Variants in AUTS2 observed in about 807,000 individuals in gnomAD.
AUTS2 encodes activator of transcription and developmental regulator AUTS2.
In AUTS2, 17 loss-of-function variants were observed where a neutral mutation model predicts 112.4. That is an observed-to-expected ratio of 0.15 (90% confidence interval 0.10 to 0.23). The LOEUF is 0.23. AUTS2 is among the 10% of genes least tolerant of loss of function. AUTS2 has a pLI of 1.00. For missense variants in AUTS2, 1,510 were observed against 1,701.6 expected (o/e 0.89, Z 1.98); for synonymous variants, 751 against 702.7 (o/e 1.07, Z -1.09).
chr7:70,701,416 G>A (rs1265434375), intron 6 of AUTS2, among the ~76,000 whole-genome samples: 4 of 152,186 alleles, frequency 2.6e-5, no homozygotes, highest in African/African-American at 9.7e-5. Context: ...CTATTCCAGG[G>A]CCAACATCTC....
intron 1 of AUTS2, among the ~76,000 whole-genome samples, chr7:69,743,366 T>G (rs1020424102): frequency 1.3e-5 from 2 of 152,172 alleles, no homozygotes; most frequent in Non-Finnish European, 2.9e-5. Context: ...TTGTTGACTT[T>G]CAGAATAAAA....
intron 4 of AUTS2, among the ~76,000 whole-genome samples, chr7:70,311,810 G>A (rs1247689371): frequency 6.6e-6 from 1 of 152,082 alleles, no homozygotes; most frequent in East Asian, 1.9e-4. Context: ...TCCGCCTCCC[G>A]GGTTCACACT....
chr7:70,209,006 T>G (rs1810720842), intron 4 of AUTS2, among the ~76,000 whole-genome samples: 1 of 152,112 alleles, frequency 6.6e-6, no homozygotes, highest in African/African-American at 2.4e-5. Context: ...TGGAGAGTGA[T>G]GCAAACTGAG....
At chr7:69,742,605 A>C (rs73170867) in intron 1 of AUTS2, among the ~76,000 whole-genome samples, 2 of 152,176 alleles carry the variant, frequency 1.3e-5, no homozygotes, top group Non-Finnish European at 2.9e-5. Context: ...ACATTTAAGC[A>C]TCAAAACTAA....
At chr7:69,967,489 C>T (rs1797678926) in intron 2 of AUTS2, among the ~76,000 whole-genome samples, 1 of 152,072 alleles carries the variant, frequency 6.6e-6, no homozygotes, top group Non-Finnish European at 1.5e-5. Context: ...GTGCAGTTTC[C>T]GGAGCAAGAT....
At chr7:69,810,475 T>C (rs959300245) in intron 1 of AUTS2, among the ~76,000 whole-genome samples, 2 of 142,740 alleles carry the variant, frequency 1.4e-5, no homozygotes, top group African/African-American at 5.1e-5. Context: ...GTTGTTTAAT[T>C]AAAAAAAAAA....
chr7:70,148,816 G>A (rs1414066755), intron 4 of AUTS2, among the ~76,000 whole-genome samples: 1 of 151,986 alleles, frequency 6.6e-6, no homozygotes, highest in Non-Finnish European at 1.5e-5. Flanking sequence ...AAAATATGAT[G>A]AGAATTTATA....
chr7:70,581,247 A>G (rs1402979299), intron 5 of AUTS2, among the ~76,000 whole-genome samples: 3 of 152,074 alleles, frequency 2.0e-5, no homozygotes, highest in East Asian at 1.9e-4. Context: ...TTTGCCGGGC[A>G]TGGTGGCTCA....
intron 4 of AUTS2, among the ~76,000 whole-genome samples, chr7:70,351,225 AT>A (rs1281744850): frequency 1.3e-5 from 2 of 150,518 alleles, no homozygotes; most frequent in South Asian, 4.2e-4. Flanking sequence ...TAATTTTTGT[AT>A]TTTTTTTAGT....
chr7:70,081,279 C>T lies in AUTS2; in HGVS notation c.523-36853C>T, dbSNP rs181816070. 2.5e-3 allele frequency among the ~76,000 whole-genome samples: 375 copies of T among 151,252 alleles called. 3 individuals are homozygous for T. The highest frequency in any genetic ancestry group is 8.5e-3 in the African/African-American group (352 of 41,192). On this transcript the variant is annotated intron_variant, in intron 2 of 18. Coordinates refer to ENST00000342771, the MANE Select transcript of AUTS2 (RefSeq NM_015570.4). ...AACTCAGAACAAAATGAGCTGGACG[C>T]GCTGGTCATGCCTGTAATCCCAGCA... is the stretch of plus-strand genomic sequence containing the variant.
At chr7:70,162,947 T>G (rs910906924) in intron 4 of AUTS2, among the ~76,000 whole-genome samples, 3 of 152,200 alleles carry the variant, frequency 2.0e-5, no homozygotes, top group African/African-American at 7.2e-5. Flanking sequence ...ATTGAACGAC[T>G]TATAACGGCT....
chr7:69,876,508 A>G (rs1306988233), intron 1 of AUTS2, among the ~76,000 whole-genome samples: 490 of 27,310 alleles, frequency 0.018, 46 homozygotes, highest in African/African-American at 0.075. Flanking sequence ...ATATATATAT[A>G]TATATATATA....
chr7:70,275,547 A>C (rs2129609628), intron 4 of AUTS2, among the ~76,000 whole-genome samples: 2 of 152,296 alleles, frequency 1.3e-5, no homozygotes, highest in South Asian at 2.1e-4. Flanking sequence ...ATGGTAAAAA[A>C]AAATTTGTAT....
chr7:70,787,420 T>C lies in AUTS2; in HGVS notation c.2520T>C (p.Asp840=), dbSNP rs201838881. 9.3e-5 allele frequency: 150 copies of C among 1,611,506 alleles called. No homozygotes were observed. Among genetic ancestry groups the C allele is most frequent in the Middle Eastern group, 1.7e-4 (1 of 6,042 alleles). ...VDKRDSSVSK[D]DKERESVEKR... ...AACGAGACTCATCTGTTAGTAAAGATGACAAAGAAAGGTACGGAAAGAAAC... is the reference window on the plus strand; with the variant it reads ...AACGAGACTCATCTGTTAGTAAAGACGACAAAGAAAGGTACGGAAAGAAAC... Residue 840 remains aspartate (D), a synonymous_variant, in exon 18 of 19, where the codon GAT becomes GAC. Coordinates refer to ENST00000342771, the MANE Select transcript of AUTS2 (RefSeq NM_015570.4).
Position 69,728,698 on chromosome 7 carries a change from T to A in AUTS2, c.309+128736T>A, listed in dbSNP as rs867228632. Reference sequence around the variant, plus strand: ...CTTGTGGCTTTTTTTTTTTTTTTTTTAATTTAAACACACATTTTCCTCTTT... The same window carrying A: ...CTTGTGGCTTTTTTTTTTTTTTTTTAAATTTAAACACACATTTTCCTCTTT... On this transcript the variant is annotated intron_variant, in intron 1 of 18. Transcript: ENST00000342771. Among the ~76,000 whole-genome samples the A allele has an allele frequency of 5.1e-3, 763 of 150,074 alleles. 6 individuals carry two copies. Among genetic ancestry groups the A allele is most frequent in the Non-Finnish European group, 8.7e-3 (588 of 67,342 alleles).
chr7:70,299,539 G>C (rs1789106492), intron 4 of AUTS2, among the ~76,000 whole-genome samples: 1 of 152,192 alleles, frequency 6.6e-6, no homozygotes, highest in African/African-American at 2.4e-5. Flanking sequence ...TTGAAAATGA[G>C]CGTGTGGTGT....
At chr7:70,526,287 G>A (rs977425670) in intron 5 of AUTS2, among the ~76,000 whole-genome samples, 1 of 152,154 alleles carries the variant, frequency 6.6e-6, no homozygotes, top group African/African-American at 2.4e-5. Context: ...CTAAGACACC[G>A]CACGCTCTGC....
chr7:69,884,640 A>G (rs1323965089), intron 1 of AUTS2, among the ~76,000 whole-genome samples: 1 of 152,182 alleles, frequency 6.6e-6, no homozygotes, highest in Non-Finnish European at 1.5e-5. Flanking sequence ...ACATCACTAA[A>G]TCTATCTATA....
chr7:70,381,369 C>T (rs965350113), intron 4 of AUTS2, among the ~76,000 whole-genome samples: 2 of 152,142 alleles, frequency 1.3e-5, no homozygotes, highest in Admixed American at 1.3e-4. Context: ...ACCAACTGTA[C>T]ACTTTACAGC....
Sources: allele counts gnomAD v4.1 joint callset (sites outside exome capture counted in the v4.1 genomes callset), GRCh38; gene constraint gnomAD v4.1.1; transcripts MANE v1.5; gene names NCBI Gene and HGNC (gene_info 2026-07-23, HGNC 2026-07-21).